KBTBD12: variants seen among roughly 807,000 people sequenced by gnomAD.
KBTBD12 encodes the protein kelch repeat and BTB domain containing 12, also known as kelch repeat and BTB domain-containing protein 12.
In KBTBD12, 53 loss-of-function variants were observed where a neutral mutation model predicts 58.7. The observed-to-expected ratio is 0.90, with a 90% CI of 0.72 to 1.14. The LOEUF (loss-of-function observed/expected upper bound fraction) is 1.14. Among genes scored for constraint, KBTBD12 ranks in the 50% most tolerant of loss-of-function variants. The probability of loss-of-function intolerance (pLI) is 0.00; values close to 1 mark genes in which losing one functional copy is unlikely to be tolerated. For synonymous variants in KBTBD12, 236 were observed against 259.8 expected (o/e 0.91, Z 0.88); for missense variants, 704 against 751.3 (o/e 0.94, Z 0.74).
intron 4 of KBTBD12, among the ~76,000 whole-genome samples, chr3:127,959,560 C>T (rs939481944): frequency 6.6e-6 from 1 of 152,166 alleles, no homozygotes; most frequent in Non-Finnish European, 1.5e-5. Context: ...TAATAAACAC[C>T]GGTTACTCAT....
chr3:127,959,391 G>A (rs1004291720), intron 4 of KBTBD12, among the ~76,000 whole-genome samples: 1 of 152,210 alleles, frequency 6.6e-6, no homozygotes, highest in African/African-American at 2.4e-5. Context: ...TGAGAGGAAG[G>A]CTCTGCCCAT....
In KBTBD12 at chr3:127,985,861, AGGG is replaced by A. The variant is rs1358765016; in HGVS notation, c.*1584_*1586del. 1 of 152,380 alleles carries A rather than the reference AGGG, an allele frequency of 6.6e-6. No individual in the cohort carries two copies. Among genetic ancestry groups the A allele is most frequent in the Non-Finnish European group, 1.5e-5 (1 of 68,162 alleles). The allele number at this position is 152,380 out of a possible 1,614,324, so 9.4% of individuals were successfully genotyped here. A position where few individuals can be genotyped will look rare whatever the true frequency, so the allele number is the denominator to read the frequency against. On this transcript the variant is annotated 3_prime_UTR_variant, in exon 6 of 6. Transcript: ENST00000405109. ...GCATGGGGCAGTGTTTCTCAATCAG[AGGG>A]CCTGGGCCCCGAGCACGTCCAGGAA...
chr3:127,916,254 T>C (rs1427540375), intron 1 of KBTBD12, among the ~76,000 whole-genome samples: 6 of 152,224 alleles, frequency 3.9e-5, no homozygotes, highest in Non-Finnish European at 8.8e-5. Context: ...TGGATTATTA[T>C]GAAATGAATC....
At position 127,929,546 on chromosome 3, in the gene KBTBD12, A is replaced by G. The variant is rs775957367; in HGVS notation, c.1342-587A>G. On this transcript the variant is annotated intron_variant, in intron 3 of 5. Transcript: ENST00000405109. The stretch of plus-strand genomic sequence containing the variant: ...TACCTTCTCTAGTCATTAAAAATAT[A>G]TAAAATAAGTATGTTAAAATAACTG... Among the ~76,000 whole-genome samples, 139 of 152,300 alleles carry G rather than the reference A, an allele frequency of 9.1e-4. 1 individual carries two copies. Among genetic ancestry groups the G allele is most frequent in the Non-Finnish European group, 8.1e-4 (55 of 67,998 alleles).
intron 4 of KBTBD12, among the ~76,000 whole-genome samples, chr3:127,940,778 T>C (rs1363229028): frequency 6.6e-6 from 1 of 151,996 alleles, no homozygotes; most frequent in Non-Finnish European, 1.5e-5. Context: ...TCTGTTTCTT[T>C]GAAAAAGCCA....
intron 5 of KBTBD12, among the ~76,000 whole-genome samples, chr3:127,976,913 A>G (rs1453349336): frequency 6.6e-6 from 1 of 152,114 alleles, no homozygotes; most frequent in Non-Finnish European, 1.5e-5. Context: ...TTATATAGGT[A>G]AATTGTGTGT....
intron 5 of KBTBD12, among the ~76,000 whole-genome samples, chr3:127,981,336 A>C (rs2107618419): frequency 6.6e-6 from 1 of 152,350 alleles, no homozygotes; most frequent in East Asian, 1.9e-4. Context: ...GAAAATAATA[A>C]ATCCTTCTCA....
At position 127,928,217 on chromosome 3, in the gene KBTBD12, TA is replaced by T. The variant is rs1387307878; in HGVS notation, c.1341+186del. ...AAAGCAATTTAGGAGAATGGATTTT[TA>T]AAGTGTGTTTTCATAGACATGACTT... On this transcript the variant is annotated intron_variant, in intron 3 of 5. Coordinates refer to ENST00000405109, the MANE Select transcript of KBTBD12 (RefSeq NM_207335.4). The T allele has an allele frequency of 1.9e-5, 11 of 582,608 alleles. No individual in the cohort carries two copies. The East Asian group carries it at 2.5e-4, about 13-fold the overall frequency. The allele number at this position is 582,608 out of a possible 1,614,324, so 36.1% of individuals were successfully genotyped here.
intron 4 of KBTBD12, among the ~76,000 whole-genome samples, chr3:127,953,462 A>G (rs900494859): frequency 1.3e-5 from 2 of 152,234 alleles, no homozygotes; most frequent in Admixed American, 6.5e-5. Context: ...CTTTGAAAAT[A>G]TTGTCCAGAA....
intron 5 of KBTBD12, among the ~76,000 whole-genome samples, chr3:127,975,046 G>A (rs917639990): frequency 1.3e-5 from 2 of 152,224 alleles, no homozygotes; most frequent in Admixed American, 6.5e-5. Context: ...AAGGCTTTGA[G>A]TGCAAATAGT....
intron 4 of KBTBD12, among the ~76,000 whole-genome samples, chr3:127,953,282 A>G (rs1162502350): frequency 6.6e-6 from 1 of 152,218 alleles, no homozygotes; most frequent in Non-Finnish European, 1.5e-5. Context: ...ATGAGGAGGC[A>G]TACTGAGATG....
chr3:127,927,758 T>C lies in KBTBD12; in HGVS notation c.1071-6T>C, dbSNP rs762853229. The C allele has an allele frequency of 6.7e-7, 1 of 1,496,362 alleles. No individual in the cohort carries two copies. The highest frequency in any genetic ancestry group is 1.5e-5 in the South Asian group (1 of 68,126). The allele number at this position is 1,496,362 out of a possible 1,614,324, so 92.7% of individuals were successfully genotyped here. A position where few individuals can be genotyped will look rare whatever the true frequency, so the allele number is the denominator to read the frequency against. On this transcript the variant is annotated splice_polypyrimidine_tract_variant and splice_region_variant and intron_variant, in intron 2 of 5. Transcript: ENST00000405109. Reference sequence around the variant, plus strand: ...TAATCCTGGATACTCTCTCTCTCTTTTGCAGGTATCATGATAGAGGAAACC... The same window carrying C: ...TAATCCTGGATACTCTCTCTCTCTTCTGCAGGTATCATGATAGAGGAAACC...
chr3:127,931,811 A>C (rs921513813), intron 4 of KBTBD12, among the ~76,000 whole-genome samples: 2 of 152,082 alleles, frequency 1.3e-5, no homozygotes, highest in Non-Finnish European at 2.9e-5. Flanking sequence ...AGGGGGCAAA[A>C]AAGAACAAAG....
rs539714749 is a variant in KBTBD12, at chr3:127,978,231, G to T, written c.1691-5866G>T. 2.6e-5 allele frequency among the ~76,000 whole-genome samples: 4 copies of T among 152,154 alleles called. No homozygotes were observed. The South Asian group carries it at 8.3e-4, about 32-fold the overall frequency. ...AGACAGCTTCCCAACATCTCTTTGG[G>T]CCAAAAACTAGGGCCATTCCCTGAT... On this transcript the variant is annotated intron_variant, in intron 5 of 5. Transcript: ENST00000405109.
At chr3:127,930,310 A>T in intron 4 of KBTBD12, 27 bp downstream of exon 4, 3 of 1,602,502 alleles carry the variant, frequency 1.9e-6, no homozygotes, top group Non-Finnish European at 2.6e-6. Flanking sequence ...TGCTAACAGT[A>T]TAACTACTTT....
intron 1 of KBTBD12, among the ~76,000 whole-genome samples, chr3:127,921,346 A>T (rs1230015358): frequency 1.3e-5 from 2 of 152,126 alleles, no homozygotes; most frequent in South Asian, 2.1e-4. Context: ...GGAAACTAAT[A>T]ATAATGTCCA....
Position 127,923,676 on chromosome 3 carries a change from C to T in KBTBD12, c.615C>T (p.Asn205=). ...LDLVLRWVNH[N]KELRTVHLVE... is the part of the protein sequence containing the mutation. ...TAGTTCTGAGATGGGTAAATCATAA[C>T]AAAGAATTGCGTACAGTGCATCTTG... The change falls in exon 2 of 6, where the codon AAC becomes AAT. Residue 205 remains asparagine (N), a synonymous_variant. Transcript: ENST00000405109. The T allele has an allele frequency of 6.2e-7, 1 of 1,613,744 alleles. No homozygotes were observed. Among genetic ancestry groups the T allele is most frequent in the Non-Finnish European group, 8.5e-7 (1 of 1,179,786 alleles).
intron 3 of KBTBD12, 122 bp downstream of exon 3, chr3:127,928,156 T>C: frequency 1.2e-6 from 1 of 821,878 alleles, no homozygotes; most frequent in African/African-American, 1.7e-5. Flanking sequence ...AAATGCTTTC[T>C]GTTTTATAGA....
intron 5 of KBTBD12, among the ~76,000 whole-genome samples, chr3:127,982,228 T>C (rs1940886242): frequency 6.6e-6 from 1 of 152,244 alleles, no homozygotes; most frequent in African/African-American, 2.4e-5. Flanking sequence ...TTTCTGTATA[T>C]TGTGATGTTT....
Sources: gnomAD v4.1 joint callset for allele counts (sites outside exome capture counted in the v4.1 genomes callset) on GRCh38, gnomAD v4.1.1 for gene constraint, MANE v1.5 for transcripts, NCBI Gene and HGNC (gene_info 2026-07-23, HGNC 2026-07-21) for gene names.